The following MIER1 variants were observed in gnomAD, a reference collection of about 807,000 sequenced individuals.
The protein encoded by MIER1 is MIER1 transcriptional regulator, also known as mesoderm induction early response protein 1.
Under a neutral mutation model 75.7 loss-of-function variants are expected in MIER1, and 40 were observed. The ratio of observed to expected loss-of-function variants is 0.53; its 90% CI spans 0.41 to 0.69. The LOEUF (loss-of-function observed/expected upper bound fraction) is 0.69. MIER1 is among the 30% of genes least tolerant of loss of function. MIER1 has a pLI of 0.00. For missense variants in MIER1, 574 were observed against 680.2 expected (o/e 0.84, Z 1.74); for synonymous variants, 213 against 223.4 (o/e 0.95, Z 0.42).
chr1:66,925,049 CGGTGGCGGCAGCAGCGAAGGT>C lies in MIER1; in HGVS notation c.24_44del (p.Glu13_Ser19del). 6.5e-7 allele frequency: 1 copy of C among 1,549,302 alleles called. No homozygotes were observed. The highest frequency in any genetic ancestry group is 8.7e-7 in the Non-Finnish European group (1 of 1,146,084). On this transcript the variant is annotated inframe_deletion, in exon 1 of 14. Transcript: ENST00000401041. ...GGCGGATGGATGGGGCTTCTTCAGG[CGGTGGCGGCAGCAGCGAAGGT>C]GGCGGCGGCAGCAGCGGCAGCGGCT...
chr1:66,945,267 GTATATATATATATATATATA>G lies in MIER1; in HGVS notation c.194-852_194-833del, dbSNP rs66525570. Among the ~76,000 whole-genome samples the G allele has an allele frequency of 6.3e-3, 897 of 141,920 alleles. 17 individuals are homozygous for G. Among genetic ancestry groups the G allele is most frequent in the African/African-American group, 0.019 (745 of 39,412 alleles). The allele number at this position is 141,920 out of a possible 152,430, so 93.1% of individuals were successfully genotyped here. A position where few individuals can be genotyped will look rare whatever the true frequency, so the allele number is the denominator to read the frequency against. The stretch of plus-strand genomic sequence containing the variant: ...ATATGCTTTAAATAATCTGGTGTGT[GTATATATATATATATATATA>G]TATATATATATATATATATATATAT... On this transcript the variant is annotated intron_variant, in intron 3 of 13. Transcript: ENST00000401041.
At chr1:66,980,299 A>T (rs1665629440) in intron 12 of MIER1, among the ~76,000 whole-genome samples, 1 of 152,232 alleles carries the variant, frequency 6.6e-6, no homozygotes, top group Non-Finnish European at 1.5e-5. Context: ...ATAGATTTAT[A>T]GGTATTCAAG....
chr1:66,975,997 T>TGC lies in MIER1; in HGVS notation c.1102-597_1102-596insCG, dbSNP rs571794313. ...CACTTCCAGGCCTTTTTTTTGTGTG[T>TGC]GTGTGTGTGAGACTGAGTCTCATTC... On this transcript the variant is annotated intron_variant, in intron 11 of 13. Coordinates refer to ENST00000401041, the MANE Select transcript of MIER1 (RefSeq NM_001077700.3). 2.0e-4 allele frequency among the ~76,000 whole-genome samples: 30 copies of TGC among 151,978 alleles called. 1 individual carries two copies. In the East Asian group the frequency reaches 4.2e-3, roughly 21 times the overall value.
At chr1:66,971,140 C>T (rs983391279) in intron 9 of MIER1, among the ~76,000 whole-genome samples, 181 bp downstream of exon 9, 1 of 152,030 alleles carries the variant, frequency 6.6e-6, no homozygotes, top group Non-Finnish European at 1.5e-5. Context: ...GTGTGAAGCT[C>T]AAAAACGAAA....
At chr1:66,940,105 C>T in intron 3 of MIER1, 53 bp downstream of exon 3, 1 of 1,355,316 alleles carries the variant, frequency 7.4e-7, no homozygotes, top group Non-Finnish European at 1.1e-6. Context: ...ATTTGTCCTA[C>T]TAGTTGCATA....
At chr1:66,965,033 T>C (rs1046805888) in intron 8 of MIER1, among the ~76,000 whole-genome samples, 5 of 152,220 alleles carry the variant, frequency 3.3e-5, no homozygotes, top group African/African-American at 1.2e-4. Flanking sequence ...CAATATGTTT[T>C]AATACATCAT....
chr1:66,985,028 A>G lies in MIER1; in HGVS notation c.*128A>G. ...AAAATTTGAATTGAGTCTTAACTTTAGGAAATGAGGTTTCATAATTCTGCC... is the reference window on the plus strand; with the variant it reads ...AAAATTTGAATTGAGTCTTAACTTTGGGAAATGAGGTTTCATAATTCTGCC... On this transcript the variant is annotated 3_prime_UTR_variant, in exon 14 of 14. Transcript: ENST00000401041. 1 of 1,395,142 alleles carries G rather than the reference A, an allele frequency of 7.2e-7. No individual in the cohort carries two copies. The highest frequency in any genetic ancestry group is 3.4e-5 in the Admixed American group (1 of 29,336). 86.4% of individuals were successfully genotyped at this position (1,395,142 alleles called of 1,614,324 possible).
At chr1:66,930,400 G>A (rs1652866414) in intron 2 of MIER1, 2 of 1,607,924 alleles carry the variant, frequency 1.2e-6, no homozygotes, top group Non-Finnish European at 1.7e-6. Flanking sequence ...ATATGGCGGA[G>A]GTAAGGGAGC....
intron 3 of MIER1, among the ~76,000 whole-genome samples, chr1:66,941,427 AT>A (rs966449883): frequency 6.2e-4 from 93 of 149,552 alleles, no homozygotes; most frequent in African/African-American, 2.1e-3. Flanking sequence ...ATTATTTCCG[AT>A]TTTTTTTTTC....
chr1:66,947,914 C>A, intron 4 of MIER1: 2 of 985,328 alleles, frequency 2.0e-6, no homozygotes, highest in Non-Finnish European at 2.4e-6. Context: ...ATCCCAAGGC[C>A]GGCTCCTTAT....
At chr1:66,965,608 C>T (rs1239292733) in intron 8 of MIER1, among the ~76,000 whole-genome samples, 1 of 152,138 alleles carries the variant, frequency 6.6e-6, no homozygotes, top group Admixed American at 6.5e-5. Flanking sequence ...GTAACAACCA[C>T]ATCATGGCAA....
intron 2 of MIER1, chr1:66,930,456 C>G: frequency 6.3e-7 from 1 of 1,582,220 alleles, no homozygotes; most frequent in African/African-American, 1.4e-5. Flanking sequence ...CGGCCCTGGG[C>G]CGGGGAGGAG....
intron 7 of MIER1, among the ~76,000 whole-genome samples, chr1:66,962,241 A>G (rs924831215): frequency 6.6e-6 from 1 of 152,182 alleles, no homozygotes; most frequent in African/African-American, 2.4e-5. Flanking sequence ...TGGATTTCCT[A>G]TTTAATTATA....
At chr1:66,965,516 T>C (rs561752031) in intron 8 of MIER1, among the ~76,000 whole-genome samples, 1 of 152,302 alleles carries the variant, frequency 6.6e-6, no homozygotes, top group East Asian at 1.9e-4. Context: ...ATGCTTAGTT[T>C]TAATTTTTAA....
chr1:66,959,573 A>G, intron 6 of MIER1, 106 bp from the exon 7 acceptor site: 1 of 575,824 alleles, frequency 1.7e-6, no homozygotes, highest in Non-Finnish European at 3.1e-6. Flanking sequence ...AATTCATTAG[A>G]TATCTTTGAG....
chr1:66,943,051 C>G (rs995449426), intron 3 of MIER1, among the ~76,000 whole-genome samples: 8 of 152,046 alleles, frequency 5.3e-5, no homozygotes, highest in African/African-American at 1.7e-4. Context: ...TAATAGTATA[C>G]AAAGGGATGG....
chr1:66,976,185 G>A (rs1664686546), intron 11 of MIER1, among the ~76,000 whole-genome samples: 8 of 151,712 alleles, frequency 5.3e-5, no homozygotes, highest in Admixed American at 5.3e-4. Flanking sequence ...TGTATTTTTA[G>A]TAGAGATGGG....
chr1:66,985,407 C>T lies in MIER1; in HGVS notation c.*507C>T. 1.0e-6 allele frequency: 1 copy of T among 983,050 alleles called. No homozygotes were observed. The highest frequency in any genetic ancestry group is 1.2e-6 in the Non-Finnish European group (1 of 827,732). 60.9% of individuals were successfully genotyped at this position (983,050 alleles called of 1,614,324 possible). On this transcript the variant is annotated 3_prime_UTR_variant, in exon 14 of 14. Coordinates refer to ENST00000401041, the MANE Select transcript of MIER1 (RefSeq NM_001077700.3). Reference sequence around the variant, plus strand: ...TTTGAGTATCTTTATTAAGGAAACCCTTACGAATCCTGAAAATTATGCTAG... The same window carrying T: ...TTTGAGTATCTTTATTAAGGAAACCTTTACGAATCCTGAAAATTATGCTAG...
intron 6 of MIER1, 108 bp downstream of exon 6, chr1:66,959,091 T>C: frequency 1.1e-6 from 1 of 905,144 alleles, no homozygotes. Context: ...TCTGAAATTC[T>C]TTTCAACAGT....
Sources: gnomAD v4.1 joint callset for allele counts (sites outside exome capture counted in the v4.1 genomes callset) on GRCh38, gnomAD v4.1.1 for gene constraint, MANE v1.5 for transcripts, NCBI Gene and HGNC (gene_info 2026-07-23, HGNC 2026-07-21) for gene names.